The following HLCS variants were observed in gnomAD, a reference collection of about 807,000 sequenced individuals.
HLCS encodes holocarboxylase synthetase.
In HLCS, 53 loss-of-function variants were observed where a neutral mutation model predicts 75.0. The ratio of observed to expected loss-of-function variants is 0.71; its 90% confidence interval spans 0.57 to 0.89. HLCS has a LOEUF of 0.89. Among genes scored for constraint, HLCS ranks in the 40% least tolerant of loss-of-function variants. The pLI, the probability that HLCS is intolerant of heterozygous loss-of-function variation, is 0.00. For missense variants in HLCS, 966 were observed against 1,074.0 expected (o/e 0.90, Z 1.41); for synonymous variants, 431 against 428.6 (o/e 1.01, Z -0.07).
intron 6 of HLCS, among the ~76,000 whole-genome samples, chr21:36,884,864 T>C (rs1177567218): frequency 6.6e-6 from 1 of 152,168 alleles, no homozygotes; most frequent in African/African-American, 2.4e-5. Flanking sequence ...CTGACTGTCA[T>C]GGAAGGTTCA....
chr21:36,976,226 A>G (rs2068933284), intron 1 of HLCS, among the ~76,000 whole-genome samples: 1 of 152,174 alleles, frequency 6.6e-6, no homozygotes, highest in African/African-American at 2.4e-5. Context: ...GATTGTCCCC[A>G]ACTTGGACAC....
At chr21:36,985,627 G>A (rs1008007180) in intron 1 of HLCS, among the ~76,000 whole-genome samples, 5 of 152,274 alleles carry the variant, frequency 3.3e-5, no homozygotes, top group Middle Eastern at 3.4e-3. Flanking sequence ...TTAGCTGGGC[G>A]TGGTAGTGCA....
At chr21:36,882,954 G>A (rs1055185330) in intron 6 of HLCS, among the ~76,000 whole-genome samples, 1 of 151,954 alleles carries the variant, frequency 6.6e-6, no homozygotes, top group East Asian at 1.9e-4. Flanking sequence ...ATCCTTCTCC[G>A]CCAGGCAATG....
intron 6 of HLCS, among the ~76,000 whole-genome samples, chr21:36,785,276 C>A (rs1275549338): frequency 6.6e-6 from 1 of 152,186 alleles, no homozygotes; most frequent in Non-Finnish European, 1.5e-5. Context: ...CTTAACTCTT[C>A]ACTCAGTGGG....
intron 6 of HLCS, among the ~76,000 whole-genome samples, chr21:36,856,768 C>A (rs912645953): frequency 2.0e-5 from 3 of 152,132 alleles, no homozygotes; most frequent in African/African-American, 7.2e-5. Flanking sequence ...GATCAAGTTC[C>A]CTCACCTCAA....
chr21:36,839,465 C>G (rs570972637), intron 6 of HLCS, among the ~76,000 whole-genome samples: 1 of 152,150 alleles, frequency 6.6e-6, no homozygotes, highest in African/African-American at 2.4e-5. Flanking sequence ...AACATAAGTA[C>G]GCTTTGCTCA....
At chr21:36,969,879 G>A (rs2068739801), upstream of HLCS, among the ~76,000 whole-genome samples, 2 of 151,902 alleles carry the variant, frequency 1.3e-5, 1 homozygote. Context: ...GGTCAGACTA[G>A]GGATTTAGAA....
chr21:36,919,914 T>A (rs969183916), intron 5 of HLCS, among the ~76,000 whole-genome samples: 9 of 151,984 alleles, frequency 5.9e-5, no homozygotes, highest in South Asian at 2.1e-4. Flanking sequence ...TTAAAAAAAA[T>A]TTTTTTTAGT....
chr21:36,770,777 G>T (rs1325705389), intron 6 of HLCS, among the ~76,000 whole-genome samples: 1 of 152,028 alleles, frequency 6.6e-6, no homozygotes, highest in East Asian at 1.9e-4. Flanking sequence ...GTTTGGTAGA[G>T]CCCAGGCTGG....
At chr21:36,901,194 G>A (rs2065223068) in intron 5 of HLCS, among the ~76,000 whole-genome samples, 1 of 152,100 alleles carries the variant, frequency 6.6e-6, no homozygotes, top group African/African-American at 2.4e-5. Flanking sequence ...AGTGAGCTGA[G>A]ATCATGCCAC....
intron 6 of HLCS, among the ~76,000 whole-genome samples, chr21:36,827,744 T>A (rs1305527317): frequency 6.6e-6 from 1 of 151,890 alleles, no homozygotes; most frequent in African/African-American, 2.4e-5. Flanking sequence ...TTTAGGGATT[T>A]TCTTTAAATT....
At chr21:36,950,811 A>G (rs1319281179) in intron 2 of HLCS, among the ~76,000 whole-genome samples, 1 of 152,134 alleles carries the variant, frequency 6.6e-6, no homozygotes, top group Non-Finnish European at 1.5e-5. Context: ...GTCTAGAAAC[A>G]CATGAAAAAA....
intron 6 of HLCS, among the ~76,000 whole-genome samples, chr21:36,832,487 C>A (rs1324889428): frequency 6.6e-6 from 1 of 152,228 alleles, no homozygotes; most frequent in African/African-American, 2.4e-5. Context: ...AGCTTCCCGA[C>A]CTCACTCACA....
intron 6 of HLCS, among the ~76,000 whole-genome samples, chr21:36,877,199 A>C (rs556158542): frequency 6.6e-5 from 10 of 152,212 alleles, no homozygotes; most frequent in Middle Eastern, 3.4e-3. Context: ...CCATTCTAAC[A>C]TTTTCTGCCT....
chr21:36,851,596 A>T (rs572154426), intron 6 of HLCS, among the ~76,000 whole-genome samples: 1 of 152,204 alleles, frequency 6.6e-6, no homozygotes, highest in Non-Finnish European at 1.5e-5. Context: ...AATGGAAAAA[A>T]CCTAATATTT....
chr21:36,960,229 T>A (rs1280166713), intron 2 of HLCS, among the ~76,000 whole-genome samples: 1 of 147,940 alleles, frequency 6.8e-6, no homozygotes, highest in Non-Finnish European at 1.5e-5. Context: ...GCTGGTAGAA[T>A]GAGCTGAGTG....
At chr21:36,946,964 T>C (rs760716826) in intron 2 of HLCS, among the ~76,000 whole-genome samples, 3 of 152,134 alleles carry the variant, frequency 2.0e-5, no homozygotes, top group African/African-American at 4.8e-5. Context: ...TTCAGGAAGA[T>C]GAGAAGATAA....
intron 6 of HLCS, among the ~76,000 whole-genome samples, chr21:36,874,870 G>A (rs1301267647): frequency 6.6e-6 from 1 of 152,132 alleles, no homozygotes; most frequent in African/African-American, 2.4e-5. Flanking sequence ...CACTCTCGGG[G>A]GTCCAGGAAG....
intron 6 of HLCS, among the ~76,000 whole-genome samples, chr21:36,892,629 G>C (rs1268376577): frequency 6.6e-6 from 1 of 152,230 alleles, no homozygotes; most frequent in East Asian, 1.9e-4. Context: ...TGGAGGGGAA[G>C]ACAAATGCAT....
Sources: allele counts gnomAD v4.1 joint callset (sites outside exome capture counted in the v4.1 genomes callset), GRCh38; gene constraint gnomAD v4.1.1; transcripts MANE v1.5; gene names NCBI Gene and HGNC (gene_info 2026-07-23, HGNC 2026-07-21).